The following NEK1 variants were observed in gnomAD, a reference collection of about 807,000 sequenced individuals.
The protein encoded by NEK1 is NIMA related kinase 1.
In NEK1, 137 loss-of-function variants were observed where a neutral mutation model predicts 182.1. That is an observed-to-expected ratio of 0.75 (90% CI 0.65 to 0.87). The LOEUF (loss-of-function observed/expected upper bound fraction) is 0.87, where lower values mean the gene tolerates loss of function less well. Ranked by LOEUF, NEK1 falls within the 40% of genes least tolerant of loss-of-function variation. NEK1 has a pLI of 0.00. For missense variants in NEK1, 1,391 were observed against 1,494.4 expected (o/e 0.93, Z 1.14); for synonymous variants, 513 against 492.2 (o/e 1.04, Z -0.56).
intron 12 of NEK1, among the ~76,000 whole-genome samples, chr4:169,563,018 T>G (rs189186083): frequency 1.3e-5 from 2 of 152,296 alleles, no homozygotes; most frequent in Admixed American, 1.3e-4. Flanking sequence ...TTTTGATTCC[T>G]TTCTTTCACA....
Position 169,531,278 on chromosome 4 carries a change from C to A in NEK1, c.1665+6531G>T, listed in dbSNP as rs1305450595. Among the ~76,000 whole-genome samples the A allele has an allele frequency of 3.3e-5, 5 of 151,848 alleles. No individual in the cohort carries two copies. In the East Asian group the frequency reaches 7.7e-4, roughly 23 times the overall value. On this transcript the variant is annotated intron_variant, in intron 19 of 35. Coordinates refer to ENST00000507142, the MANE Select transcript of NEK1 (RefSeq NM_001199397.3). ...TTGGCAAGATGGATAGCAGTGACTT[C>A]TTTGATATGATGATAAACTATTAAC...
intron 19 of NEK1, among the ~76,000 whole-genome samples, chr4:169,534,174 T>C (rs1176190400): frequency 6.6e-6 from 1 of 151,872 alleles, no homozygotes; most frequent in Non-Finnish European, 1.5e-5. Flanking sequence ...CATAATGAAG[T>C]AACAGATCTA....
chr4:169,486,985 C>T (rs535165047), intron 23 of NEK1, among the ~76,000 whole-genome samples: 106 of 152,276 alleles, frequency 7.0e-4, no homozygotes, highest in African/African-American at 2.5e-3. Flanking sequence ...TGGCTGAAAA[C>T]CTAACACTAT....
intron 27 of NEK1, among the ~76,000 whole-genome samples, chr4:169,443,592 C>CA (rs1739949897): frequency 6.6e-6 from 1 of 151,488 alleles, no homozygotes; most frequent in Admixed American, 6.6e-5. Flanking sequence ...AAGAGATGGG[C>CA]AAGGACATAG....
intron 27 of NEK1, among the ~76,000 whole-genome samples, chr4:169,451,801 G>C (rs113279610): frequency 6.6e-6 from 1 of 152,190 alleles, no homozygotes; most frequent in South Asian, 2.1e-4. Flanking sequence ...CAGAACTGAA[G>C]GAGATAGACA....
chr4:169,423,097 A>G (rs1209899505), intron 31 of NEK1, among the ~76,000 whole-genome samples: 1 of 152,176 alleles, frequency 6.6e-6, no homozygotes, highest in Non-Finnish European at 1.5e-5. Context: ...ATTGAAAATC[A>G]AAGTGACTAT....
intron 31 of NEK1, among the ~76,000 whole-genome samples, chr4:169,419,655 G>C (rs148936833): frequency 6.6e-6 from 1 of 152,268 alleles, no homozygotes; most frequent in Non-Finnish European, 1.5e-5. Context: ...GATACGTTAC[G>C]AGAAAAGTGT....
intron 2 of NEK1, among the ~76,000 whole-genome samples, chr4:169,607,518 A>G (rs1464988147): frequency 6.6e-6 from 1 of 152,062 alleles, no homozygotes; most frequent in African/African-American, 2.4e-5. Context: ...GCTGGAGTGC[A>G]GTGGCGCAGT....
Position 169,599,018 on chromosome 4 carries a change from TAAAAAC to T in NEK1, c.312+76_312+81del. On this transcript the variant is annotated intron_variant, in intron 5 of 35. Transcript: ENST00000507142. ...AGTAATTTTGATTAGCATTTGTAGT[TAAAAAC>T]AAATACACACATAAACAAATTTTGA... The T allele has an allele frequency of 6.9e-6, 7 of 1,021,588 alleles. No homozygotes were observed. In the South Asian group the frequency reaches 9.9e-5, roughly 14 times the overall value. The allele number at this position is 1,021,588 out of a possible 1,614,324, so 63.3% of individuals were successfully genotyped here. A position where few individuals can be genotyped will look rare whatever the true frequency, so the allele number is the denominator to read the frequency against.
chr4:169,497,329 A>G (rs1751522408), intron 23 of NEK1, among the ~76,000 whole-genome samples: 1 of 151,558 alleles, frequency 6.6e-6, no homozygotes, highest in South Asian at 2.1e-4. Context: ...CGGTCTATCA[A>G]TTTTGTTGAT....
At chr4:169,611,569 T>C (rs900939543) in intron 2 of NEK1, among the ~76,000 whole-genome samples, 4 of 151,972 alleles carry the variant, frequency 2.6e-5, no homozygotes. Flanking sequence ...GAACAAAAAA[T>C]AGGCCTGCAA....
intron 18 of NEK1, among the ~76,000 whole-genome samples, chr4:169,546,428 C>T (rs1760466553): frequency 6.6e-6 from 1 of 152,036 alleles, no homozygotes; most frequent in Admixed American, 6.6e-5. Context: ...AGAATAAATG[C>T]TATGTGGTGC....
chr4:169,562,738 GT>G (rs1763106708), intron 12 of NEK1, among the ~76,000 whole-genome samples: 1 of 152,040 alleles, frequency 6.6e-6, no homozygotes, highest in African/African-American at 2.4e-5. Flanking sequence ...ATATTAATGT[GT>G]TAATAAAATG....
chr4:169,455,769 C>A (rs2149481241), intron 27 of NEK1, among the ~76,000 whole-genome samples: 1 of 152,044 alleles, frequency 6.6e-6, no homozygotes, highest in East Asian at 1.9e-4. Flanking sequence ...AGTAGCACTG[C>A]CTAGGGGTCA....
chr4:169,590,972 G>A (rs1581013225), intron 5 of NEK1, among the ~76,000 whole-genome samples, 163 bp from the exon 6 acceptor site: 1 of 152,180 alleles, frequency 6.6e-6, no homozygotes, highest in East Asian at 1.9e-4. Flanking sequence ...GTCAACACAA[G>A]CTCTGCACAT....
At chr4:169,503,200 A>G (rs1274551095) in intron 23 of NEK1, among the ~76,000 whole-genome samples, 4 of 152,182 alleles carry the variant, frequency 2.6e-5, no homozygotes, top group Non-Finnish European at 5.9e-5. Context: ...AAGGAGAACT[A>G]CAAAACACTG....
intron 27 of NEK1, among the ~76,000 whole-genome samples, chr4:169,440,627 G>A (rs770677171): frequency 3.3e-5 from 5 of 152,154 alleles, no homozygotes; most frequent in Non-Finnish European, 7.3e-5. Flanking sequence ...AGGCATGGAA[G>A]GAGAGGGAAG....
chr4:169,449,273 G>A (rs549863942), intron 27 of NEK1, among the ~76,000 whole-genome samples: 3 of 152,338 alleles, frequency 2.0e-5, no homozygotes, highest in Admixed American at 6.5e-5. Context: ...AGACTTAAAC[G>A]ACCCTGTCTA....
intron 26 of NEK1, among the ~76,000 whole-genome samples, chr4:169,466,877 C>A (rs557727121): frequency 1.3e-5 from 2 of 151,876 alleles, no homozygotes; most frequent in African/African-American, 4.8e-5. Context: ...AAAAATAGCA[C>A]CAAAGGTTGG....
Sources: allele counts gnomAD v4.1 joint callset (sites outside exome capture counted in the v4.1 genomes callset), GRCh38; gene constraint gnomAD v4.1.1; transcripts MANE v1.5; gene names NCBI Gene and HGNC (gene_info 2026-07-23, HGNC 2026-07-21).